Variants in EYA4 observed in about 807,000 individuals in gnomAD.
The protein encoded by EYA4 is EYA transcriptional coactivator and phosphatase 4.
In EYA4, 31 loss-of-function variants were observed where a neutral mutation model predicts 87.9. That is an observed-to-expected ratio of 0.35 (90% CI 0.27 to 0.48). The LOEUF is 0.48. EYA4 is among the 20% of genes least tolerant of loss of function. The pLI is 0.99. For synonymous variants in EYA4, 263 were observed against 270.6 expected, an observed-to-expected ratio of 0.97 and a Z score of 0.28; for missense variants, 678 against 761.4, an observed-to-expected ratio of 0.89 and a Z score of 1.29.
chr6:133,279,678 G>T (rs1777463672), intron 2 of EYA4, among the ~76,000 whole-genome samples: 1 of 151,894 alleles, frequency 6.6e-6, no homozygotes. Flanking sequence ...TCTCTCTCTT[G>T]TTTTTCCTTA....
chr6:133,460,733 A>G (rs1794308207), intron 6 of EYA4, among the ~76,000 whole-genome samples: 1 of 152,096 alleles, frequency 6.6e-6, no homozygotes, highest in South Asian at 2.1e-4. Context: ...ATATGTATAT[A>G]TTGCCATCAT....
intron 19 of EYA4, among the ~76,000 whole-genome samples, chr6:133,527,365 A>C (rs1006938341): frequency 2.6e-5 from 4 of 152,378 alleles, no homozygotes; most frequent in Admixed American, 6.5e-5. Flanking sequence ...AAGAAGAAAT[A>C]TCAAAGTTTA....
intron 2 of EYA4, among the ~76,000 whole-genome samples, chr6:133,318,632 T>TTTTTTA (rs77352161): frequency 6.7e-6 from 1 of 148,756 alleles, no homozygotes. Context: ...TTTTTTTTTT[T>TTTTTTA]TAATCATCCA....
intron 5 of EYA4, among the ~76,000 whole-genome samples, chr6:133,454,885 G>A (rs867503940): frequency 3.3e-5 from 5 of 151,910 alleles, no homozygotes; most frequent in South Asian, 4.1e-4. Flanking sequence ...AGCTATTTTC[G>A]TACCTGAAGG....
intron 5 of EYA4, among the ~76,000 whole-genome samples, chr6:133,450,233 C>T (rs1205789373): frequency 6.6e-6 from 1 of 152,148 alleles, no homozygotes; most frequent in Non-Finnish European, 1.5e-5. Flanking sequence ...GATCGGCCCG[C>T]CTCAGCCTCC....
chr6:133,279,320 C>A (rs1261592318), intron 2 of EYA4, among the ~76,000 whole-genome samples: 1 of 152,008 alleles, frequency 6.6e-6, no homozygotes, highest in Non-Finnish European at 1.5e-5. Context: ...ATATGTATTT[C>A]CACATTGTTA....
intron 3 of EYA4, 151 bp downstream of exon 3, chr6:133,382,592 C>G: frequency 1.3e-6 from 1 of 743,718 alleles, no homozygotes; most frequent in East Asian, 2.5e-5. Flanking sequence ...TGCTGGCTAG[C>G]GTACCACTAC....
At chr6:133,242,726 G>C (rs1201757230) in intron 1 of EYA4, among the ~76,000 whole-genome samples, 2 of 152,178 alleles carry the variant, frequency 1.3e-5, no homozygotes, top group Non-Finnish European at 2.9e-5. Context: ...GGGAATTTGC[G>C]GACCGAGTCC....
intron 2 of EYA4, among the ~76,000 whole-genome samples, chr6:133,299,806 T>C (rs12173440): frequency 6.6e-6 from 1 of 151,242 alleles, no homozygotes; most frequent in African/African-American, 2.4e-5. Flanking sequence ...TCCTTCACAA[T>C]AGCACTGCGA....
intron 3 of EYA4, among the ~76,000 whole-genome samples, chr6:133,403,978 G>A (rs1384002800): frequency 6.6e-6 from 1 of 151,966 alleles, no homozygotes; most frequent in African/African-American, 2.4e-5. Flanking sequence ...CCACACCTGG[G>A]TAATTTTGTA....
At chr6:133,382,497 T>C in intron 3 of EYA4, 56 bp downstream of exon 3, 1 of 1,144,262 alleles carries the variant, frequency 8.7e-7, no homozygotes, top group Non-Finnish European at 1.3e-6. Context: ...TTCGGAGCAC[T>C]AGTAAGATGT....
rs147581042 is a variant in EYA4, at chr6:133,349,124, C to T, written c.34-33268C>T. On this transcript the variant is annotated intron_variant, in intron 2 of 19. Transcript: ENST00000355286. ...CACTTACTTTCCTCTATGTCTAAAA[C>T]GTTCATCTCTTAAGTGTTTGTATAA... Among the ~76,000 whole-genome samples, 309 of 152,272 alleles carry T rather than the reference C, an allele frequency of 2.0e-3. 1 individual carries two copies. The highest frequency in any genetic ancestry group is 6.8e-3 in the African/African-American group (284 of 41,558).
Position 133,530,959 on chromosome 6 carries a change from T to A in EYA4, c.*2154T>A. On this transcript the variant is annotated 3_prime_UTR_variant, in exon 20 of 20. Transcript: ENST00000355286. ...CTTAATTATGTTGTGCACTAAAACC[T>A]TAAATATTTATTACTGTGAATAAAA... 1 of 1,239,856 alleles carries A rather than the reference T, an allele frequency of 8.1e-7. No homozygotes were observed. The highest frequency in any genetic ancestry group is 1.0e-6 in the Non-Finnish European group (1 of 988,874). 76.8% of individuals were successfully genotyped at this position (1,239,856 alleles called of 1,614,324 possible).
chr6:133,512,890 T>C lies in EYA4; in HGVS notation c.1353T>C (p.Phe451=). Residue 451 remains phenylalanine, a synonymous_variant, in exon 16 of 20, where the codon TTT becomes TTC. Transcript: ENST00000355286. The part of the protein sequence containing the change: ...DNGQDLSTYS[F]ATDGFHAAAS... The stretch of plus-strand genomic sequence containing the variant: ...TTGGGTGTTACAGTACCTACAGTTT[T>C]GCAACTGATGGCTTCCATGCAGCTG... 1 of 1,614,186 alleles carries C rather than the reference T, an allele frequency of 6.2e-7. No homozygotes were observed. Among genetic ancestry groups the C allele is most frequent in the Non-Finnish European group, 8.5e-7 (1 of 1,180,014 alleles).
chr6:133,426,910 C>T (rs1213770610), intron 3 of EYA4, among the ~76,000 whole-genome samples: 1 of 152,168 alleles, frequency 6.6e-6, no homozygotes, highest in East Asian at 1.9e-4. Flanking sequence ...TGAACTATAG[C>T]AATTTGCTAT....
chr6:133,508,474 T>A (rs1340611326), intron 14 of EYA4, among the ~76,000 whole-genome samples: 1 of 152,154 alleles, frequency 6.6e-6, no homozygotes, highest in African/African-American at 2.4e-5. Context: ...AAAGAGGATC[T>A]TAATATTATT....
chr6:133,404,165 T>A (rs1280290331), intron 3 of EYA4, among the ~76,000 whole-genome samples: 3 of 152,192 alleles, frequency 2.0e-5, no homozygotes, highest in African/African-American at 7.2e-5. Context: ...GCCCTTTATT[T>A]GGACTGACTC....
chr6:133,270,705 G>A (rs977353029), intron 1 of EYA4, among the ~76,000 whole-genome samples: 26 of 152,130 alleles, frequency 1.7e-4, no homozygotes, highest in Non-Finnish European at 2.9e-4. Context: ...GTCCTGCCTG[G>A]ATTGGGCTGT....
chr6:133,514,310 A>G (rs1196732386), intron 16 of EYA4, among the ~76,000 whole-genome samples: 1 of 152,188 alleles, frequency 6.6e-6, no homozygotes, highest in African/African-American at 2.4e-5. Flanking sequence ...GGTAGATAAT[A>G]TGTTTTAACT....
Sources: allele counts gnomAD v4.1 joint callset (sites outside exome capture counted in the v4.1 genomes callset), GRCh38; gene constraint gnomAD v4.1.1; transcripts MANE v1.5; gene names NCBI Gene and HGNC (gene_info 2026-07-23, HGNC 2026-07-21).